SRBD1: variants seen among roughly 807,000 people sequenced by gnomAD.
SRBD1 encodes the protein S1 RNA-binding domain-containing protein 1.
Under a neutral mutation model 115.3 loss-of-function variants are expected in SRBD1, and 88 were observed. That is an observed-to-expected ratio of 0.76 (90% confidence interval 0.64 to 0.91). SRBD1 has a LOEUF of 0.91. Among genes scored for constraint, SRBD1 ranks in the 40% least tolerant of loss-of-function variants. SRBD1 has a pLI of 0.00. For synonymous variants in SRBD1, 509 were observed against 407.7 expected, an observed-to-expected ratio of 1.25 and a Z score of -2.99; for missense variants, 1,385 against 1,177.4, an observed-to-expected ratio of 1.18 and a Z score of -2.58.
chr2:45,550,493 C>CAAAAAAA (rs3064241), intron 12 of SRBD1, among the ~76,000 whole-genome samples: 1 of 135,672 alleles, frequency 7.4e-6, no homozygotes. Flanking sequence ...TTACAGTAGC[C>CAAAAAAA]AAAAAAAAAA....
chr2:45,413,098 T>A lies in SRBD1; in HGVS notation c.2513+16A>T. On this transcript the variant is annotated intron_variant, in intron 19 of 20. Coordinates refer to ENST00000263736, the MANE Select transcript of SRBD1 (RefSeq NM_018079.5). ...ACTCTGCATATGGAGAATTCCCACATGGGCCTCAGACTTACCTCATTGCTA... is the reference window on the plus strand; with the variant it reads ...ACTCTGCATATGGAGAATTCCCACAAGGGCCTCAGACTTACCTCATTGCTA... 1 of 1,604,052 alleles carries A rather than the reference T, an allele frequency of 6.2e-7. No homozygotes were observed. The highest frequency in any genetic ancestry group is 1.1e-5 in the South Asian group (1 of 89,090).
At chr2:45,599,166 G>A (rs1431000038) in intron 4 of SRBD1, among the ~76,000 whole-genome samples, 2 of 152,114 alleles carry the variant, frequency 1.3e-5, no homozygotes, top group African/African-American at 4.8e-5. Context: ...ACCTGTGGGG[G>A]CCCAACCAGT....
chr2:45,466,175 GCAGTTA>G (rs1325602823), intron 16 of SRBD1, among the ~76,000 whole-genome samples: 1 of 152,152 alleles, frequency 6.6e-6, no homozygotes, highest in Non-Finnish European at 1.5e-5. Context: ...TGTTGAGGGA[GCAGTTA>G]GCAGGGAGTA....
At chr2:45,405,244 T>C (rs1667398755) in intron 19 of SRBD1, among the ~76,000 whole-genome samples, 1 of 152,172 alleles carries the variant, frequency 6.6e-6, no homozygotes, top group Non-Finnish European at 1.5e-5. Context: ...AAGACTTTTT[T>C]AAATGAAAGA....
intron 7 of SRBD1, among the ~76,000 whole-genome samples, chr2:45,578,848 C>T (rs1673257847): frequency 6.6e-6 from 1 of 152,044 alleles, no homozygotes; most frequent in Admixed American, 6.6e-5. Context: ...TTTAGGTGCT[C>T]TTAACACAAA....
At chr2:45,439,899 G>A (rs141870682) in intron 16 of SRBD1, among the ~76,000 whole-genome samples, 54 of 152,182 alleles carry the variant, frequency 3.5e-4, no homozygotes, top group African/African-American at 1.2e-3. Context: ...TCTGTCTCTC[G>A]GGTTTCATAG....
chr2:45,491,875 G>A (rs1670303601), intron 14 of SRBD1, among the ~76,000 whole-genome samples: 2 of 152,158 alleles, frequency 1.3e-5, no homozygotes, highest in African/African-American at 4.8e-5. Context: ...AGGCTGGAAT[G>A]CAATGGCGCA....
At position 45,585,711 on chromosome 2, in the gene SRBD1, C is replaced by T; in HGVS notation, c.712G>A (p.Asp238Asn). The change falls in exon 5 of 21, where the codon GAT becomes AAT. Residue 238 changes from aspartate (D) to asparagine (N), a missense_variant. Asp to Asn is a conservative substitution (Grantham distance 23, BLOSUM62 1). Transcript: ENST00000263736. ...VCANIIRLFN[D>N]DNTIPFIIRY... ...ATAATGAAGGGAATTGTGTTATCAT[C>T]ATTAAAGAGACGAATGATGTTGGCA... The T allele has an allele frequency of 6.2e-7, 1 of 1,612,388 alleles. No individual in the cohort carries two copies. The highest frequency in any genetic ancestry group is 1.1e-5 in the South Asian group (1 of 90,680).
chr2:45,508,771 G>A lies in SRBD1; in HGVS notation c.1875-20440C>T, dbSNP rs908606789. Among the ~76,000 whole-genome samples, 89 of 152,002 alleles carry A rather than the reference G, an allele frequency of 5.9e-4. 1 individual carries two copies. The highest frequency in any genetic ancestry group is 8.8e-5 in the Non-Finnish European group (6 of 67,996). ...TAGAATAGTGATATTTCTTCTTTAT[G>A]AGCAATTTTACCCAGTGAATTGCTA... On this transcript the variant is annotated intron_variant, in intron 14 of 20. Coordinates refer to ENST00000263736, the MANE Select transcript of SRBD1 (RefSeq NM_018079.5).
intron 9 of SRBD1, among the ~76,000 whole-genome samples, chr2:45,564,014 C>T (rs985549299): frequency 6.6e-6 from 1 of 152,104 alleles, no homozygotes; most frequent in Non-Finnish European, 1.5e-5. Context: ...AAACCAATAT[C>T]TCTTATGAAT....
At chr2:45,483,094 G>A (rs886565974) in intron 15 of SRBD1, among the ~76,000 whole-genome samples, 16 of 152,028 alleles carry the variant, frequency 1.1e-4, no homozygotes, top group Admixed American at 5.2e-4. Flanking sequence ...TATGAAAAAT[G>A]CAATTTTAAA....
At chr2:45,604,048 T>C (rs1248747724) in intron 2 of SRBD1, among the ~76,000 whole-genome samples, 1 of 152,134 alleles carries the variant, frequency 6.6e-6, no homozygotes, top group African/African-American at 2.4e-5. Context: ...CACCATGTCC[T>C]GTCCACTCTA....
At chr2:45,453,643 T>A (rs1285425565) in intron 16 of SRBD1, among the ~76,000 whole-genome samples, 3 of 150,050 alleles carry the variant, frequency 2.0e-5, no homozygotes, top group Non-Finnish European at 4.5e-5. Context: ...CTAACTAGTG[T>A]TCCTTTCTTA....
chr2:45,571,635 G>C (rs923285925), intron 9 of SRBD1, among the ~76,000 whole-genome samples: 2 of 148,974 alleles, frequency 1.3e-5, no homozygotes, highest in African/African-American at 5.0e-5. Context: ...ATCATGAACA[G>C]AGACCTAAAG....
intron 14 of SRBD1, among the ~76,000 whole-genome samples, chr2:45,508,057 T>C (rs1014598458): frequency 6.6e-6 from 1 of 152,188 alleles, no homozygotes; most frequent in Non-Finnish European, 1.5e-5. Flanking sequence ...GATAGATATT[T>C]ACATAATTTT....
intron 16 of SRBD1, among the ~76,000 whole-genome samples, chr2:45,437,882 C>T (rs543877597): frequency 5.2e-4 from 79 of 152,230 alleles, no homozygotes; most frequent in African/African-American, 1.8e-3. Context: ...AATAAAGGCA[C>T]AATTCATAAT....
At chr2:45,605,191 C>T (rs1674226607) in intron 2 of SRBD1, among the ~76,000 whole-genome samples, 171 bp downstream of exon 2, 1 of 152,188 alleles carries the variant, frequency 6.6e-6, no homozygotes, top group African/African-American at 2.4e-5. Flanking sequence ...ATTAGCAACA[C>T]TAGACAGAAC....
intron 15 of SRBD1, among the ~76,000 whole-genome samples, chr2:45,486,808 C>T (rs1670136390): frequency 6.6e-6 from 1 of 151,198 alleles, no homozygotes; most frequent in African/African-American, 2.4e-5. Context: ...AAATACCTCA[C>T]AGGGGAATAG....
chr2:45,412,964 G>A, intron 19 of SRBD1, 150 bp downstream of exon 19: 1 of 799,274 alleles, frequency 1.3e-6, no homozygotes, highest in Non-Finnish European at 1.9e-6. Flanking sequence ...GAAATAATGT[G>A]CCACATAACT....
Sources: gnomAD v4.1 joint callset for allele counts (sites outside exome capture counted in the v4.1 genomes callset) on GRCh38, gnomAD v4.1.1 for gene constraint, MANE v1.5 for transcripts, NCBI Gene and HGNC (gene_info 2026-07-23, HGNC 2026-07-21) for gene names.